Variants in GRIP1 observed in about 807,000 individuals in gnomAD.
GRIP1 encodes the protein glutamate receptor-interacting protein 1.
Under a neutral mutation model 129.9 loss-of-function variants are expected in GRIP1, and 45 were observed. The ratio of observed to expected loss-of-function variants is 0.35; its 90% CI spans 0.27 to 0.44. The LOEUF (loss-of-function observed/expected upper bound fraction) is 0.44, where lower values mean the gene tolerates loss of function less well. GRIP1 is among the 20% of genes least tolerant of loss of function. The pLI is 1.00. For synonymous variants in GRIP1, 530 were observed against 520.8 expected (o/e 1.02, Z -0.24); for missense variants, 1,196 against 1,396.8 (o/e 0.86, Z 2.29).
chr12:66,366,347 G>A (rs1159763834), intron 23 of GRIP1, among the ~76,000 whole-genome samples: 2 of 152,194 alleles, frequency 1.3e-5, no homozygotes, highest in Non-Finnish European at 2.9e-5. Context: ...CATTGAAAAT[G>A]ACACTCCTTC....
intron 1 of GRIP1, among the ~76,000 whole-genome samples, chr12:66,809,300 T>C (rs2039057713): frequency 6.6e-6 from 1 of 152,240 alleles, no homozygotes; most frequent in South Asian, 2.1e-4. Context: ...ATTAGGGGGT[T>C]CCCTTCAATG....
chr12:66,780,090 C>T (rs2038107405), intron 1 of GRIP1, among the ~76,000 whole-genome samples: 1 of 152,062 alleles, frequency 6.6e-6, no homozygotes, highest in African/African-American at 2.4e-5. Context: ...TTGAGGTTTT[C>T]CCAAGTCCCC....
At chr12:66,862,622 C>G (rs1371283913) in intron 1 of GRIP1, among the ~76,000 whole-genome samples, 1 of 152,058 alleles carries the variant, frequency 6.6e-6, no homozygotes, top group Non-Finnish European at 1.5e-5. Context: ...GTGAGGGACA[C>G]AGATTTCTCT....
chr12:66,399,228 T>C (rs2056897794), intron 16 of GRIP1, among the ~76,000 whole-genome samples: 1 of 151,734 alleles, frequency 6.6e-6, no homozygotes, highest in East Asian at 1.9e-4. Flanking sequence ...GAGCGTTGAG[T>C]CAGCTTTAGG....
At chr12:67,026,174 T>C (rs1317944265) in intron 1 of GRIP1, among the ~76,000 whole-genome samples, 2 of 152,242 alleles carry the variant, frequency 1.3e-5, no homozygotes, top group Non-Finnish European at 2.9e-5. Context: ...CTGTCAACTA[T>C]GCTCTTTGTT....
intron 1 of GRIP1, among the ~76,000 whole-genome samples, chr12:66,797,397 C>T (rs965052666): frequency 2.2e-4 from 34 of 152,132 alleles, no homozygotes; most frequent in Non-Finnish European, 3.1e-4. Context: ...CTACTGACTA[C>T]ACCTGCCAGT....
At chr12:66,646,152 A>G (rs2032347553) in intron 1 of GRIP1, among the ~76,000 whole-genome samples, 1 of 152,240 alleles carries the variant, frequency 6.6e-6, no homozygotes, top group Admixed American at 6.5e-5. Context: ...GTAGGAATGG[A>G]TAATAATACT....
At chr12:66,731,276 CT>C (rs769142821) in intron 1 of GRIP1, among the ~76,000 whole-genome samples, 1 of 152,150 alleles carries the variant, frequency 6.6e-6, no homozygotes, top group Non-Finnish European at 1.5e-5. Flanking sequence ...ATGAAAACCA[CT>C]TTTGGACTAT....
intron 16 of GRIP1, among the ~76,000 whole-genome samples, chr12:66,403,253 C>A (rs1461422496): frequency 2.0e-5 from 3 of 152,154 alleles, no homozygotes; most frequent in Non-Finnish European, 2.9e-5. Context: ...ACACGGTACC[C>A]AATATGTAGT....
At chr12:66,688,193 G>A (rs2034851356) in intron 1 of GRIP1, among the ~76,000 whole-genome samples, 1 of 152,148 alleles carries the variant, frequency 6.6e-6, no homozygotes, top group South Asian at 2.1e-4. Flanking sequence ...TTGGATTTCT[G>A]TCACTTGGGA....
chr12:66,631,833 A>G (rs1028034977), intron 1 of GRIP1, among the ~76,000 whole-genome samples: 4 of 152,252 alleles, frequency 2.6e-5, no homozygotes, highest in African/African-American at 9.6e-5. Context: ...ACTAGAGCAG[A>G]ACATGTAACA....
intron 1 of GRIP1, among the ~76,000 whole-genome samples, chr12:66,779,371 C>CA (rs973558452): frequency 2.6e-5 from 4 of 151,444 alleles, no homozygotes; most frequent in African/African-American, 9.7e-5. Flanking sequence ...GTTCTGTATT[C>CA]AAAAAAAACC....
At chr12:66,806,018 T>C (rs2038985748), upstream of GRIP1, among the ~76,000 whole-genome samples, 1 of 151,312 alleles carries the variant, frequency 6.6e-6, no homozygotes, top group Admixed American at 6.6e-5. Context: ...ATTATTCTGA[T>C]TCCCTCAACC....
chr12:66,875,310 C>T (rs2040365260), intron 1 of GRIP1, among the ~76,000 whole-genome samples: 1 of 152,018 alleles, frequency 6.6e-6, no homozygotes, highest in East Asian at 1.9e-4. Flanking sequence ...GTCCCTTTCA[C>T]CATCAAAATA....
intron 1 of GRIP1, among the ~76,000 whole-genome samples, chr12:66,798,596 T>C (rs1321450613): frequency 6.6e-6 from 1 of 152,194 alleles, no homozygotes; most frequent in Admixed American, 6.5e-5. Context: ...CTATTTCAGA[T>C]AGCATGCCGT....
intron 1 of GRIP1, among the ~76,000 whole-genome samples, chr12:66,878,063 G>T (rs1470335660): frequency 6.6e-6 from 1 of 151,974 alleles, no homozygotes; most frequent in Non-Finnish European, 1.5e-5. Flanking sequence ...CTTTACAAAG[G>T]GATATGAATG....
rs1471149085 is a variant in GRIP1, at chr12:66,348,881, GA to G, written c.*137del. 144 of 757,800 alleles carry G rather than the reference GA, an allele frequency of 1.9e-4. 1 individual carries two copies. The highest frequency in any genetic ancestry group is 1.2e-3 in the South Asian group (81 of 69,106). 46.9% of individuals were successfully genotyped at this position (757,800 alleles called of 1,614,324 possible). A position where few individuals can be genotyped will look rare whatever the true frequency, so the allele number is the denominator to read the frequency against. On this transcript the variant is annotated 3_prime_UTR_variant, in exon 25 of 25. Transcript: ENST00000359742. The stretch of plus-strand genomic sequence containing the variant: ...AAAGGGAAGTGAACATGAGCCATGA[GA>G]GAGATTTAAAAGACCCCTGTGCTTG...
At chr12:66,786,400 C>A (rs2038347058) in intron 1 of GRIP1, among the ~76,000 whole-genome samples, 1 of 152,044 alleles carries the variant, frequency 6.6e-6, no homozygotes, top group African/African-American at 2.4e-5. Context: ...TGTCTTACAG[C>A]AAACTGCAAG....
intron 1 of GRIP1, among the ~76,000 whole-genome samples, chr12:66,986,177 G>A (rs968983866): frequency 2.0e-5 from 3 of 152,106 alleles, no homozygotes; most frequent in Admixed American, 1.3e-4. Flanking sequence ...TTCAGGAAAC[G>A]ACAGGTGCTG....
Sources: allele counts gnomAD v4.1 joint callset (sites outside exome capture counted in the v4.1 genomes callset), GRCh38; gene constraint gnomAD v4.1.1; transcripts MANE v1.5; gene names NCBI Gene and HGNC (gene_info 2026-07-23, HGNC 2026-07-21).